The following TCF7 variants were observed in gnomAD, a reference collection of about 807,000 sequenced individuals.
TCF7 encodes transcription factor 7, also known as T-cell-factor-7.
TCF7 carries 19 observed loss-of-function variants against 46.8 expected under a neutral mutation model. The ratio of observed to expected loss-of-function variants is 0.41; its 90% CI spans 0.28 to 0.60. TCF7 has a LOEUF of 0.60. Among genes scored for constraint, TCF7 ranks in the 20% least tolerant of loss-of-function variants. The pLI is 0.35. For missense variants in TCF7, 547 were observed against 504.6 expected (o/e 1.08, Z -0.81); for synonymous variants, 245 against 213.4 (o/e 1.15, Z -1.29).
rs548198421 is a variant in TCF7, at chr5:134,129,407, C to T, written c.442-8652C>T. ...AAGACAGCGGAGCTATGAGGTTGTG[C>T]CTTGCCTCGGTCCACGGTGGGCTCC... On this transcript the variant is annotated intron_variant, in intron 3 of 9. Transcript: ENST00000342854. 3.3e-5 allele frequency among the ~76,000 whole-genome samples: 5 copies of T among 152,334 alleles called. No individual in the cohort carries two copies. The South Asian group carries it at 1.0e-3, about 32-fold the overall frequency.
Position 134,137,664 on chromosome 5 carries a change from T to C in TCF7, c.442-395T>C, listed in dbSNP as rs145766401. 2.0e-5 allele frequency among the ~76,000 whole-genome samples: 3 copies of C among 152,260 alleles called. No homozygotes were observed. In the East Asian group the frequency reaches 5.8e-4, roughly 29 times the overall value. On this transcript the variant is annotated intron_variant, in intron 3 of 9. Coordinates refer to ENST00000342854, the MANE Select transcript of TCF7 (RefSeq NM_003202.5). ...CTGGGGGCTAGAAGATGAGGAAAGA[T>C]AGCTGTGCTTCTTCCAGGGTGTGCT...
intron 5 of TCF7, chr5:134,140,599 T>C (rs1759595063): frequency 2.9e-6 from 1 of 343,476 alleles, no homozygotes; most frequent in Non-Finnish European, 5.7e-6. Flanking sequence ...AAGGATACCA[T>C]TTCCATCCCT....
intron 3 of TCF7, among the ~76,000 whole-genome samples, chr5:134,118,188 C>G (rs1400740663): frequency 6.6e-6 from 1 of 152,180 alleles, no homozygotes; most frequent in Non-Finnish European, 1.5e-5. Flanking sequence ...GTGTCTGGAA[C>G]CAGGAATGAT....
At chr5:134,122,306 G>C (rs1756704445) in intron 3 of TCF7, among the ~76,000 whole-genome samples, 3 of 152,154 alleles carry the variant, frequency 2.0e-5, no homozygotes, top group Non-Finnish European at 2.9e-5. Flanking sequence ...AGCAGGGTAG[G>C]AAAGACCTTC....
At chr5:134,126,518 TGAAA>T (rs1292137445) in intron 3 of TCF7, among the ~76,000 whole-genome samples, 3 of 152,236 alleles carry the variant, frequency 2.0e-5, no homozygotes, top group Non-Finnish European at 4.4e-5. Flanking sequence ...AAGCAGTTGT[TGAAA>T]GAATAACAAC....
At chr5:134,145,253 C>T in intron 9 of TCF7, 1 of 549,292 alleles carries the variant, frequency 1.8e-6, no homozygotes, top group South Asian at 1.4e-5. Context: ...CTCACTTCCT[C>T]TTCAAGATGG....
intron 9 of TCF7, chr5:134,145,926 G>GGAGATGACTCCCTTGGAAGACAGGA (rs533486075): frequency 5.3e-6 from 8 of 1,510,066 alleles, no homozygotes; most frequent in Non-Finnish European, 7.1e-6. Flanking sequence ...GCCGGGACTG[G>GGAGATGACTCCCTTGGAAGACAGGA]GAGATGACTC....
chr5:134,129,272 A>G (rs925989754), intron 3 of TCF7, among the ~76,000 whole-genome samples: 1 of 152,150 alleles, frequency 6.6e-6, no homozygotes, highest in Non-Finnish European at 1.5e-5. Context: ...CCATCTCTAA[A>G]TCTGCACCTG....
chr5:134,138,577 G>A (rs1759256307), intron 4 of TCF7: 1 of 280,996 alleles, frequency 3.6e-6, no homozygotes, highest in Non-Finnish European at 6.7e-6. Context: ...CTCAACCCTG[G>A]GGGGCAGGTG....
At chr5:134,141,691 A>G (rs1759794019) in intron 5 of TCF7, 1 of 152,852 alleles carries the variant, frequency 6.5e-6, no homozygotes, top group East Asian at 1.9e-4. Flanking sequence ...TAGCAACAGC[A>G]GCAGGATGCT....
intron 9 of TCF7, chr5:134,143,909 C>A: frequency 2.2e-6 from 1 of 448,250 alleles, no homozygotes; most frequent in Non-Finnish European, 4.1e-6. Context: ...CACCCACTAC[C>A]TTTGCTAGCT....
chr5:134,117,709 G>A (rs1756012869), intron 3 of TCF7, among the ~76,000 whole-genome samples: 1 of 152,230 alleles, frequency 6.6e-6, no homozygotes, highest in South Asian at 2.1e-4. Context: ...CAGTGGAGGA[G>A]GCACACCACC....
chr5:134,142,756 C>A lies in TCF7; in HGVS notation c.791C>A (p.Ala264Asp). Residue 264 changes from alanine to aspartate, a missense_variant, in exon 7 of 10, where the codon GCC becomes GAC. Ala to Asp is a moderately radical substitution (Grantham distance 126, BLOSUM62 -2). This residue lies in a region of TCF7 where 425 missense variants were observed against 349.9 expected (regional missense o/e 1.21). Coordinates refer to ENST00000342854, the MANE Select transcript of TCF7 (RefSeq NM_003202.5). ...TQAESKAEKEAKKPTIKKPLN... is the reference protein window; with the variant it reads ...TQAESKAEKEDKKPTIKKPLN... Reference sequence around the variant, plus strand: ...GCAGAGTCCAAGGCAGAGAAGGAGGCCAAGAAGCCAACCATCAAGAAGCCC... The same window carrying A: ...GCAGAGTCCAAGGCAGAGAAGGAGGACAAGAAGCCAACCATCAAGAAGCCC... 1 of 1,614,104 alleles carries A rather than the reference C, an allele frequency of 6.2e-7. No homozygotes were observed. The highest frequency in any genetic ancestry group is 8.5e-7 in the Non-Finnish European group (1 of 1,180,008).
At chr5:134,141,610 C>G (rs1444771010) in intron 5 of TCF7, 3 of 152,360 alleles carry the variant, frequency 2.0e-5, no homozygotes, top group Non-Finnish European at 2.9e-5. Flanking sequence ...GAGAAGAAAA[C>G]AAGGGAACAG....
chr5:134,147,083 A>G lies in TCF7; in HGVS notation c.*780A>G, dbSNP rs1482511330. The G allele has an allele frequency of 6.4e-6, 1 of 156,854 alleles. No homozygotes were observed. The highest frequency in any genetic ancestry group is 6.5e-5 in the Admixed American group (1 of 15,346). The allele number at this position is 156,854 out of a possible 1,614,324, so 9.7% of individuals were successfully genotyped here. ...TAAGTTGGACCAGAGGAAGCCCCTTACTATGATCTCAGGAGCTTGCAAGAA... is the reference window on the plus strand; with the variant it reads ...TAAGTTGGACCAGAGGAAGCCCCTTGCTATGATCTCAGGAGCTTGCAAGAA... On this transcript the variant is annotated 3_prime_UTR_variant, in exon 10 of 10. Transcript: ENST00000342854.
intron 7 of TCF7, 50 bp from the exon 8 acceptor site, chr5:134,142,943 A>AG: frequency 6.2e-7 from 1 of 1,612,370 alleles, no homozygotes. Flanking sequence ...AGCCTGGTGC[A>AG]GCCTGCTGAC....
chr5:134,112,296 ACT>A, upstream of TCF7, among the ~76,000 whole-genome samples: 3 of 152,146 alleles, frequency 2.0e-5, no homozygotes, highest in Middle Eastern at 6.8e-3. Flanking sequence ...GGCTCTAATA[ACT>A]CTTCAGCTTC....
intron 3 of TCF7, among the ~76,000 whole-genome samples, chr5:134,137,662 G>T (rs1446110463): frequency 6.6e-6 from 1 of 152,192 alleles, no homozygotes; most frequent in African/African-American, 2.4e-5. Flanking sequence ...GATGAGGAAA[G>T]ATAGCTGTGC....
intron 3 of TCF7, among the ~76,000 whole-genome samples, chr5:134,120,830 T>C (rs936149557): frequency 6.6e-6 from 1 of 152,196 alleles, no homozygotes; most frequent in African/African-American, 2.4e-5. Flanking sequence ...GTTCGTTTCC[T>C]CCTCTGCACA....
Sources: gnomAD v4.1 joint callset for allele counts (sites outside exome capture counted in the v4.1 genomes callset) on GRCh38, gnomAD v4.1.1 for gene constraint, gnomAD v4.1.1 regional missense constraint, MANE v1.5 for transcripts, NCBI Gene and HGNC (gene_info 2026-07-23, HGNC 2026-07-21) for gene names.